MAP2K4: variants seen among roughly 807,000 people sequenced by gnomAD.
The protein encoded by MAP2K4 is mitogen-activated protein kinase kinase 4.
MAP2K4 carries 4 observed loss-of-function variants against 48.5 expected under a neutral mutation model. The observed-to-expected ratio is 0.08, with a 90% confidence interval of 0.04 to 0.19. MAP2K4 has a LOEUF of 0.19. Ranked by LOEUF, MAP2K4 falls within the 10% of genes least tolerant of loss-of-function variation. The pLI, the probability that MAP2K4 is intolerant of heterozygous loss-of-function variation, is 1.00. For missense variants in MAP2K4, 258 were observed against 493.3 expected, an observed-to-expected ratio of 0.52 and a Z score of 4.52; for synonymous variants, 166 against 173.1, an observed-to-expected ratio of 0.96 and a Z score of 0.32.
intron 2 of MAP2K4, among the ~76,000 whole-genome samples, chr17:12,076,969 T>TA: frequency 6.6e-6 from 1 of 152,252 alleles, no homozygotes; most frequent in East Asian, 1.9e-4. Context: ...TGGAATGACT[T>TA]ATGAAGAAAC....
chr17:12,115,642 C>T (rs182293329), intron 7 of MAP2K4: 9 of 749,348 alleles, frequency 1.2e-5, no homozygotes, highest in African/African-American at 8.5e-5. Context: ...TGGTGGTTAA[C>T]GCTTATTAAC....
intron 1 of MAP2K4, among the ~76,000 whole-genome samples, chr17:12,033,798 A>C (rs1969511388): frequency 6.6e-6 from 1 of 152,178 alleles, no homozygotes; most frequent in Non-Finnish European, 1.5e-5. Context: ...AATTAATGAA[A>C]AAAAAAGGCT....
intron 7 of MAP2K4, chr17:12,115,625 G>A (rs1972465703): frequency 1.3e-6 from 1 of 743,218 alleles, no homozygotes; most frequent in Admixed American, 1.8e-5. Flanking sequence ...GCTATAGAAA[G>A]CACAATTGGT....
chr17:12,117,812 A>G (rs1972551869), intron 7 of MAP2K4, among the ~76,000 whole-genome samples: 1 of 152,210 alleles, frequency 6.6e-6, no homozygotes, highest in Admixed American at 6.5e-5. Flanking sequence ...TGGTGTTCGT[A>G]TGAGCACCAT....
intron 7 of MAP2K4, among the ~76,000 whole-genome samples, chr17:12,115,118 T>C (rs1972445089): frequency 6.6e-6 from 1 of 152,242 alleles, no homozygotes; most frequent in Non-Finnish European, 1.5e-5. Flanking sequence ...TAGTTGTCTT[T>C]AGTCTACAGG....
Position 12,113,347 on chromosome 17 carries a change from G to A in MAP2K4, c.800G>A (p.Arg267Lys). ...GCCAAGACAAGAGATGCTGGCTGTA[G>A]GCCATACATGGCAGTAAGTGTTAAG... ...SIAKTRDAGC[R>K]PYMAPERIDP... The change falls in exon 7 of 11, where the codon AGG (arginine) becomes AAG (lysine). Residue 267 changes from arginine to lysine, a missense_variant. Coordinates refer to ENST00000353533, the MANE Select transcript of MAP2K4 (RefSeq NM_003010.4). 1 of 1,613,646 alleles carries A rather than the reference G, an allele frequency of 6.2e-7. No individual in the cohort carries two copies. Among genetic ancestry groups the A allele is most frequent in the Non-Finnish European group, 8.5e-7 (1 of 1,179,692 alleles).
At chr17:12,134,159 C>G (rs1313872700) in intron 9 of MAP2K4, among the ~76,000 whole-genome samples, 1 of 152,244 alleles carries the variant, frequency 6.6e-6, no homozygotes, top group Non-Finnish European at 1.5e-5. Flanking sequence ...AATGATGGCT[C>G]TCCACCTAGG....
chr17:12,062,912 A>T (rs977921303), intron 2 of MAP2K4, among the ~76,000 whole-genome samples: 5 of 131,924 alleles, frequency 3.8e-5, no homozygotes, highest in African/African-American at 1.4e-4. Flanking sequence ...CCCTTTTCCC[A>T]GTCTTCTCCC....
intron 3 of MAP2K4, among the ~76,000 whole-genome samples, chr17:12,084,543 C>T (rs1297377798): frequency 6.6e-6 from 1 of 152,206 alleles, no homozygotes; most frequent in African/African-American, 2.4e-5. Context: ...TTACTTCTAA[C>T]TGTGATCAGT....
chr17:12,055,820 C>T (rs950351672), intron 2 of MAP2K4, among the ~76,000 whole-genome samples: 10 of 152,076 alleles, frequency 6.6e-5, no homozygotes, highest in Middle Eastern at 3.4e-3. Flanking sequence ...TTTAAAACAG[C>T]AATGTCTAGA....
chr17:12,084,926 AAG>A (rs1971310200), intron 3 of MAP2K4, among the ~76,000 whole-genome samples: 1 of 142,198 alleles, frequency 7.0e-6, no homozygotes, highest in Non-Finnish European at 1.6e-5. Context: ...CACAGGAGAA[AAG>A]AGAGTAAATG....
chr17:12,082,022 T>G, intron 3 of MAP2K4: 3 of 509,296 alleles, frequency 5.9e-6, no homozygotes, highest in South Asian at 4.4e-5. Context: ...TCTGTTTGTT[T>G]ATTTCATCTC....
intron 5 of MAP2K4, among the ~76,000 whole-genome samples, chr17:12,108,794 A>G (rs1467246147): frequency 2.6e-5 from 4 of 151,992 alleles, no homozygotes; most frequent in Non-Finnish European, 5.9e-5. Flanking sequence ...CTTTCAAATA[A>G]TTTCATAAAA....
chr17:12,110,244 G>T, intron 5 of MAP2K4, 131 bp from the exon 6 acceptor site: 1 of 675,996 alleles, frequency 1.5e-6, no homozygotes, highest in South Asian at 1.9e-5. Context: ...AACAAGAAAT[G>T]ACAAAATATT....
At chr17:12,108,034 AC>A in intron 5 of MAP2K4, 125 bp downstream of exon 5, 1 of 871,602 alleles carries the variant, frequency 1.1e-6, no homozygotes, top group Non-Finnish European at 1.7e-6. Flanking sequence ...ATAGTTAATA[AC>A]CAGAGACAAA....
At chr17:12,021,160 C>T (rs2151501355) in intron 1 of MAP2K4, among the ~76,000 whole-genome samples, 159 bp downstream of exon 1, 1 of 151,762 alleles carries the variant, frequency 6.6e-6, no homozygotes, top group African/African-American at 2.4e-5. Flanking sequence ...CGCTCCCGGC[C>T]GCCTCCGGCC....
intron 7 of MAP2K4, among the ~76,000 whole-genome samples, chr17:12,117,351 G>A (rs996204033): frequency 6.6e-6 from 1 of 151,920 alleles, no homozygotes; most frequent in Admixed American, 6.6e-5. Flanking sequence ...GACCTTATGC[G>A]ATGGGTCACA....
intron 4 of MAP2K4, among the ~76,000 whole-genome samples, chr17:12,102,590 A>G (rs1179150452): frequency 2.0e-5 from 3 of 152,120 alleles, no homozygotes; most frequent in Non-Finnish European, 2.9e-5. Flanking sequence ...GAATTTATAT[A>G]GAATTGGTAT....
intron 3 of MAP2K4, among the ~76,000 whole-genome samples, chr17:12,083,337 C>A (rs536767916): frequency 6.6e-5 from 10 of 152,248 alleles, no homozygotes; most frequent in African/African-American, 2.2e-4. Context: ...AAATTGTTGT[C>A]CATCATTTGT....
Sources: allele counts gnomAD v4.1 joint callset (sites outside exome capture counted in the v4.1 genomes callset), GRCh38; gene constraint gnomAD v4.1.1; transcripts MANE v1.5; gene names NCBI Gene and HGNC (gene_info 2026-07-23, HGNC 2026-07-21).